GSG1L: variants seen among roughly 807,000 people sequenced by gnomAD.
GSG1L encodes GSG1 like.
Under a neutral mutation model 42.1 loss-of-function variants are expected in GSG1L, and 24 were observed. The observed-to-expected ratio is 0.57, with a 90% CI of 0.41 to 0.80. The LOEUF (loss-of-function observed/expected upper bound fraction) is 0.80. Among genes scored for constraint, GSG1L ranks in the 30% least tolerant of loss-of-function variants. The pLI, the probability that GSG1L is intolerant of heterozygous loss-of-function variation, is 0.00. For synonymous variants in GSG1L, 215 were observed against 203.5 expected, an observed-to-expected ratio of 1.06 and a Z score of -0.48; for missense variants, 445 against 472.2, an observed-to-expected ratio of 0.94 and a Z score of 0.53.
intron 3 of GSG1L, among the ~76,000 whole-genome samples, chr16:27,871,647 A>G (rs2083822199): frequency 6.6e-6 from 1 of 152,204 alleles, no homozygotes; most frequent in Admixed American, 6.5e-5. Context: ...TCTCAAAAAG[A>G]AAACAAAGAA....
intron 6 of GSG1L, among the ~76,000 whole-genome samples, chr16:27,795,727 T>C (rs1037819601): frequency 1.3e-5 from 2 of 152,224 alleles, no homozygotes; most frequent in Non-Finnish European, 2.9e-5. Flanking sequence ...CTCCCAAGGT[T>C]AGCAGAGTAT....
At chr16:27,876,599 C>A (rs1373596815) in intron 3 of GSG1L, among the ~76,000 whole-genome samples, 1 of 152,206 alleles carries the variant, frequency 6.6e-6, no homozygotes, top group Non-Finnish European at 1.5e-5. Flanking sequence ...GCACTGGTAC[C>A]AGGCCCAGGG....
chr16:27,814,550 T>G (rs540997182), intron 5 of GSG1L, among the ~76,000 whole-genome samples: 1 of 152,170 alleles, frequency 6.6e-6, no homozygotes, highest in East Asian at 1.9e-4. Context: ...CCAGGCGTGG[T>G]GGCGGGCGCC....
chr16:27,838,739 G>C, intron 4 of GSG1L, among the ~76,000 whole-genome samples: 1 of 152,206 alleles, frequency 6.6e-6, no homozygotes, highest in East Asian at 1.9e-4. Flanking sequence ...GCTGGGCACA[G>C]ATGCATAATC....
intron 2 of GSG1L, among the ~76,000 whole-genome samples, chr16:27,943,300 G>A (rs116736621): frequency 1.1e-3 from 173 of 152,124 alleles, no homozygotes; most frequent in African/African-American, 3.9e-3. Context: ...CAGTGGCATT[G>A]TTCCTAATAA....
chr16:27,920,641 G>C (rs941933597), intron 2 of GSG1L, among the ~76,000 whole-genome samples: 1 of 152,208 alleles, frequency 6.6e-6, no homozygotes, highest in South Asian at 2.1e-4. Flanking sequence ...CAGCCATCCC[G>C]GGAAGTCACT....
rs1028203030 is a variant in GSG1L at position 27,930,720 on chromosome 16, G to T, written c.397+32436C>A. 6.6e-5 allele frequency among the ~76,000 whole-genome samples: 10 copies of T among 152,224 alleles called. 1 individual carries two copies. Among genetic ancestry groups the T allele is most frequent in the Admixed American group, 5.9e-4 (9 of 15,278 alleles). On this transcript the variant is annotated intron_variant, in intron 2 of 6. Coordinates refer to ENST00000447459, the MANE Select transcript of GSG1L (RefSeq NM_001109763.2). The stretch of plus-strand genomic sequence containing the variant: ...TCCTTAAAGGATGTCATTCACAAAT[G>T]CTCTTTTCTTTCTTTTTTTAAAGAG...
At position 27,789,422 on chromosome 16, in the gene GSG1L, T is replaced by C. The variant is rs1205240606; in HGVS notation, c.*1948A>G. ...GGATGAGTGGATGATGGATAATGGA[T>C]AGATGGAGGGATGATGGCTGATGAA... is the stretch of plus-strand genomic sequence containing the variant. On this transcript the variant is annotated 3_prime_UTR_variant, in exon 7 of 7. Transcript: ENST00000447459. The C allele has an allele frequency of 6.7e-6, 1 of 149,080 alleles. No individual in the cohort carries two copies. The highest frequency in any genetic ancestry group is 2.5e-5 in the African/African-American group (1 of 40,242). 9.2% of individuals were successfully genotyped at this position (149,080 alleles called of 1,614,324 possible).
Position 27,973,479 on chromosome 16 carries a change from T to G in GSG1L, c.350-10276A>C, listed in dbSNP as rs572617170. On this transcript the variant is annotated intron_variant, in intron 1 of 6. Transcript: ENST00000447459. ...AAAAAAAAAAAAAAAGAGTGTGTGC[T>G]TAGGAGATGGCTTTCGTTGTCATCA... 4.3e-5 allele frequency among the ~76,000 whole-genome samples: 6 copies of G among 140,222 alleles called. No individual in the cohort carries two copies. In the East Asian group the frequency reaches 1.3e-3, roughly 31 times the overall value. 92.0% of individuals were successfully genotyped at this position (140,222 alleles called of 152,430 possible).
At chr16:28,007,085 C>T (rs528242261) in intron 1 of GSG1L, among the ~76,000 whole-genome samples, 1 of 152,278 alleles carries the variant, frequency 6.6e-6, no homozygotes, top group African/African-American at 2.4e-5. Flanking sequence ...CTGAGTAATG[C>T]CCCCACCACG....
Position 28,029,530 on chromosome 16 carries a change from G to GGGATGGATGGATGGATGGAT in GSG1L, c.349+33526_349+33545dup, listed in dbSNP as rs60587266. ...ATGTGTAGATATATGGGTGCATGAA[G>GGGATGGATGGATGGATGGAT]GGATGGATGGATGGATGGATGGATG... On this transcript the variant is annotated intron_variant, in intron 1 of 6. Coordinates refer to ENST00000447459, the MANE Select transcript of GSG1L (RefSeq NM_001109763.2). Among the ~76,000 whole-genome samples, 1,171 of 149,468 alleles carry GGGATGGATGGATGGATGGAT rather than the reference G, an allele frequency of 7.8e-3. 9 individuals are homozygous for GGGATGGATGGATGGATGGAT. Among genetic ancestry groups the GGGATGGATGGATGGATGGAT allele is most frequent in the Non-Finnish European group, 0.012 (787 of 67,232 alleles).
intron 1 of GSG1L, among the ~76,000 whole-genome samples, chr16:27,981,956 T>C (rs2085330974): frequency 6.6e-6 from 1 of 152,236 alleles, no homozygotes; most frequent in Non-Finnish European, 1.5e-5. Context: ...CTCTGGGTCT[T>C]AGTTTCCACA....
chr16:28,026,091 C>A (rs1177231797), intron 1 of GSG1L, among the ~76,000 whole-genome samples: 1 of 152,188 alleles, frequency 6.6e-6, no homozygotes, highest in African/African-American at 2.4e-5. Context: ...AAGCCAAACG[C>A]CCAGCTAGTC....
intron 3 of GSG1L, among the ~76,000 whole-genome samples, chr16:27,875,724 A>G (rs893619596): frequency 8.5e-5 from 13 of 152,148 alleles, no homozygotes; most frequent in African/African-American, 3.1e-4. Context: ...TGGCATGGTA[A>G]TTTGTTTAGA....
intron 1 of GSG1L, among the ~76,000 whole-genome samples, chr16:28,049,235 AAATTCCTTTTAAAATTCCTTTT>A (rs1452230618): frequency 1.3e-5 from 2 of 152,366 alleles, no homozygotes; most frequent in Admixed American, 6.5e-5. Flanking sequence ...AAATCCTTTT[AAATTCCTTTTAAAATTCCTTTT>A]AATTCCTTTT....
At chr16:27,917,610 C>T (rs2084473881) in intron 2 of GSG1L, among the ~76,000 whole-genome samples, 1 of 152,106 alleles carries the variant, frequency 6.6e-6, no homozygotes, top group Admixed American at 6.6e-5. Flanking sequence ...ACCTAGGGTG[C>T]CAGGTGAGAA....
chr16:27,943,732 A>G (rs1252828425), intron 2 of GSG1L, among the ~76,000 whole-genome samples: 1 of 151,544 alleles, frequency 6.6e-6, no homozygotes, highest in Non-Finnish European at 1.5e-5. Flanking sequence ...GCACCACCAC[A>G]CCCAGCTAAT....
At chr16:27,894,903 A>G (rs1167176930) in intron 2 of GSG1L, among the ~76,000 whole-genome samples, 1 of 152,148 alleles carries the variant, frequency 6.6e-6, no homozygotes, top group Admixed American at 6.5e-5. Context: ...GGTTGGTTCT[A>G]TTAGAGGCAT....
chr16:27,984,205 C>T lies in GSG1L; in HGVS notation c.350-21002G>A, dbSNP rs74015190. On this transcript the variant is annotated intron_variant, in intron 1 of 6. Coordinates refer to ENST00000447459, the MANE Select transcript of GSG1L (RefSeq NM_001109763.2). ...CTTATTAATGTTTCTCTCTGAGAAA[C>T]GGGATTTGTCAGCCTCTTTCTTTGG... is the stretch of plus-strand genomic sequence containing the variant. Among the ~76,000 whole-genome samples, 968 of 152,244 alleles carry T rather than the reference C, an allele frequency of 6.4e-3. 14 individuals carry two copies. The highest frequency in any genetic ancestry group is 0.021 in the African/African-American group (883 of 41,542).
Sources: allele counts gnomAD v4.1 joint callset (sites outside exome capture counted in the v4.1 genomes callset), GRCh38; gene constraint gnomAD v4.1.1; transcripts MANE v1.5; gene names NCBI Gene and HGNC (gene_info 2026-07-23, HGNC 2026-07-21).